Variants in MATCAP2 observed in about 807,000 individuals in gnomAD.
The protein encoded by MATCAP2 is putative tyrosine carboxypeptidase MATCAP2.
chr7:36,346,381 A>G, the MATCAP2 span, among the ~76,000 whole-genome samples: 4 of 152,224 alleles, frequency 2.6e-5, no homozygotes, highest in Non-Finnish European at 4.4e-5. Flanking sequence ...AAATAACCCA[A>G]ATGTCTATCA....
the MATCAP2 span, among the ~76,000 whole-genome samples, chr7:36,384,618 G>A: frequency 6.6e-6 from 1 of 152,200 alleles, no homozygotes; most frequent in Non-Finnish European, 1.5e-5. Flanking sequence ...AGTGGCAAAT[G>A]TGATGAAGAA....
At chr7:36,365,267 T>C in the MATCAP2 span, among the ~76,000 whole-genome samples, 3 of 152,232 alleles carry the variant, frequency 2.0e-5, no homozygotes, top group Non-Finnish European at 2.9e-5. Flanking sequence ...TCTATATTTT[T>C]CTTCAAGGCA....
the MATCAP2 span, chr7:36,390,185 C>A: frequency 2.8e-6 from 4 of 1,440,616 alleles, no homozygotes; most frequent in African/African-American, 4.2e-5. Context: ...GGGCCGGGGT[C>A]GCCGCGGCTG....
the MATCAP2 span, among the ~76,000 whole-genome samples, chr7:36,349,115 C>T: frequency 6.6e-6 from 1 of 152,210 alleles, no homozygotes; most frequent in Non-Finnish European, 1.5e-5. Context: ...TAAGGCCTTG[C>T]AGGCCATGAC....
At chr7:36,334,094 T>C in the MATCAP2 span, 1 of 1,613,990 alleles carries the variant, frequency 6.2e-7, no homozygotes, top group Non-Finnish European at 8.5e-7. Flanking sequence ...TTAGCTCATG[T>C]TTTTTACGTC....
the MATCAP2 span, chr7:36,390,035 G>C: frequency 1.2e-4 from 200 of 1,613,886 alleles, no homozygotes; most frequent in Non-Finnish European, 1.7e-4. Context: ...CGATGGATCC[G>C]TTTACGGAGG....
At chr7:36,366,728 G>T in the MATCAP2 span, 2 of 1,535,378 alleles carry the variant, frequency 1.3e-6, no homozygotes, top group South Asian at 2.4e-5. Context: ...GAAAGGATAA[G>T]GGGCCGATTT....
chr7:36,338,995 T>C, the MATCAP2 span, among the ~76,000 whole-genome samples: 17 of 152,264 alleles, frequency 1.1e-4, no homozygotes, highest in Non-Finnish European at 2.1e-4. Context: ...CTCACATGTA[T>C]TGATTGAGAC....
At chr7:36,375,825 G>T in the MATCAP2 span, among the ~76,000 whole-genome samples, 1 of 152,072 alleles carries the variant, frequency 6.6e-6, no homozygotes, top group Non-Finnish European at 1.5e-5. Context: ...GGGAGGGTGT[G>T]TGTGTCCAGG....
chr7:36,342,125 A>C, the MATCAP2 span, among the ~76,000 whole-genome samples: 2 of 152,124 alleles, frequency 1.3e-5, no homozygotes. Context: ...TGTTTGTGGA[A>C]GCACTAAAAC....
chr7:36,327,873 T>C, the MATCAP2 span, among the ~76,000 whole-genome samples: 2 of 152,226 alleles, frequency 1.3e-5, no homozygotes, highest in African/African-American at 4.8e-5. Context: ...ACTCAATCCA[T>C]ATATTAAGTT....
the MATCAP2 span, among the ~76,000 whole-genome samples, chr7:36,373,452 GA>G: frequency 3.9e-5 from 6 of 152,118 alleles, no homozygotes; most frequent in African/African-American, 1.4e-4. Context: ...CTAGGCAAAG[GA>G]ATTGCAAAGC....
chr7:36,338,991 T>C, the MATCAP2 span, among the ~76,000 whole-genome samples: 2 of 152,258 alleles, frequency 1.3e-5, no homozygotes, highest in African/African-American at 2.4e-5. Flanking sequence ...ATTCCTCACA[T>C]GTATTGATTG....
chr7:36,328,239 T>TGTG, the MATCAP2 span, among the ~76,000 whole-genome samples: 3 of 25,236 alleles, frequency 1.2e-4, 1 homozygote, highest in Admixed American at 1.6e-3. Context: ...TTTGTTTTTG[T>TGTG]AGGGGGGGGG....
the MATCAP2 span, chr7:36,383,963 C>A: frequency 8.1e-7 from 1 of 1,233,888 alleles, no homozygotes; most frequent in Non-Finnish European, 1.1e-6. Context: ...TATTGTATTA[C>A]TTTGTGAATT....
At chr7:36,348,939 A>T in the MATCAP2 span, among the ~76,000 whole-genome samples, 1 of 152,246 alleles carries the variant, frequency 6.6e-6, no homozygotes, top group African/African-American at 2.4e-5. Flanking sequence ...ACTGCGCTCA[A>T]TTCTGGGAAT....
chr7:36,346,424 T>C, the MATCAP2 span, among the ~76,000 whole-genome samples: 2 of 152,226 alleles, frequency 1.3e-5, no homozygotes, highest in Non-Finnish European at 2.9e-5. Flanking sequence ...AGTATATTCA[T>C]ACATGGAATA....
chr7:36,325,691 T>C, the MATCAP2 span: 1 of 152,128 alleles, frequency 6.6e-6, no homozygotes, highest in Non-Finnish European at 1.5e-5. Flanking sequence ...GATGATAAAA[T>C]ACAAAGCTAG....
At chr7:36,330,418 G>GAA in the MATCAP2 span, among the ~76,000 whole-genome samples, 1 of 151,260 alleles carries the variant, frequency 6.6e-6, no homozygotes, top group Admixed American at 6.6e-5. Context: ...ACAATGTCAT[G>GAA]AAAAAAAACA....
Sources: gnomAD v4.1 joint callset for allele counts (sites outside exome capture counted in the v4.1 genomes callset) on GRCh38, gnomAD v4.1.1 for gene constraint, MANE v1.5 for transcripts, NCBI Gene and HGNC (gene_info 2026-07-23, HGNC 2026-07-21) for gene names.